The following ITGB5 variants were observed in gnomAD, a reference collection of about 807,000 sequenced individuals.
ITGB5 encodes integrin subunit beta 5, also known as integrin beta-5.
ITGB5 carries 38 observed loss-of-function variants against 84.8 expected under a neutral mutation model. The ratio of observed to expected loss-of-function variants is 0.45; its 90% CI spans 0.35 to 0.59. The LOEUF is 0.59. Among genes scored for constraint, ITGB5 ranks in the 20% least tolerant of loss-of-function variants. The pLI is 0.01. For synonymous variants in ITGB5, 393 were observed against 414.4 expected, an observed-to-expected ratio of 0.95 and a Z score of 0.63; for missense variants, 905 against 1,034.5, an observed-to-expected ratio of 0.87 and a Z score of 1.72.
chr3:124,764,382 C>T lies in ITGB5; in HGVS notation c.2304+9G>A, dbSNP rs779437336. 3.8e-6 allele frequency: 6 copies of T among 1,594,762 alleles called. No individual in the cohort carries two copies. Among genetic ancestry groups the T allele is most frequent in the Admixed American group, 1.7e-5 (1 of 59,666 alleles). On this transcript the variant is annotated intron_variant, in intron 14 of 14. Transcript: ENST00000296181. ...AGTCTCCTCTGCTTCCCATTTCCCA[C>T]GTGCTTACCATTTCATAGCGGGCCC...
intron 8 of ITGB5, among the ~76,000 whole-genome samples, chr3:124,813,799 C>T (rs984207217): frequency 1.3e-5 from 2 of 152,152 alleles, no homozygotes; most frequent in African/African-American, 4.8e-5. Flanking sequence ...ATGGGCATGA[C>T]TGGTCACATC....
Position 124,830,055 on chromosome 3 carries a change from C to T in ITGB5, c.781-8581G>A, listed in dbSNP as rs148178595. On this transcript the variant is annotated intron_variant, in intron 5 of 14. Transcript: ENST00000296181. ...TCGCTGGCTTGTTCACTTCCAACAT[C>T]TGGCCCCAGAGAACAGGGACTGGCA... Among the ~76,000 whole-genome samples the T allele has an allele frequency of 3.9e-5, 6 of 152,356 alleles. No individual in the cohort carries two copies. In the East Asian group the frequency reaches 1.2e-3, roughly 29 times the overall value.
intron 10 of ITGB5, among the ~76,000 whole-genome samples, chr3:124,794,537 T>C (rs1006424634): frequency 2.6e-5 from 4 of 152,080 alleles, no homozygotes; most frequent in Admixed American, 6.5e-5. Context: ...TCCCAGCACA[T>C]TGGGAGGCTG....
intron 1 of ITGB5, among the ~76,000 whole-genome samples, chr3:124,883,672 C>T (rs2107653132): frequency 6.6e-6 from 1 of 152,346 alleles, no homozygotes; most frequent in East Asian, 1.9e-4. Flanking sequence ...GCAGAGCATT[C>T]ACTAGAAGAA....
intron 10 of ITGB5, among the ~76,000 whole-genome samples, chr3:124,779,201 C>T (rs2063967460): frequency 6.6e-6 from 1 of 151,538 alleles, no homozygotes; most frequent in African/African-American, 2.4e-5. Context: ...GGCAAGGCAC[C>T]CAGAACAGCA....
chr3:124,898,725 T>C (rs566852985), intron 1 of ITGB5, among the ~76,000 whole-genome samples: 1 of 120,120 alleles, frequency 8.3e-6, no homozygotes, highest in African/African-American at 3.2e-5. Flanking sequence ...AAGCCAGGAG[T>C]TTGAGACCAG....
chr3:124,804,094 T>C (rs1343440579), intron 9 of ITGB5, among the ~76,000 whole-genome samples: 1 of 152,240 alleles, frequency 6.6e-6, no homozygotes, highest in Non-Finnish European at 1.5e-5. Flanking sequence ...TTGGGCAGCA[T>C]AAAGTGGCTT....
At chr3:124,775,806 C>G (rs923408572) in intron 10 of ITGB5, among the ~76,000 whole-genome samples, 1 of 152,212 alleles carries the variant, frequency 6.6e-6, no homozygotes, top group African/African-American at 2.4e-5. Flanking sequence ...CAGAACTCAA[C>G]TCCAGAAAGC....
chr3:124,892,527 TA>T (rs34284622), upstream of ITGB5, among the ~76,000 whole-genome samples: 12,764 of 106,218 alleles, frequency 0.12, 703 homozygotes, highest in African/African-American at 0.15. Flanking sequence ...CCATCTCTAT[TA>T]AAAAAAAAAA....
At chr3:124,879,596 C>G (rs1444180421) in intron 1 of ITGB5, among the ~76,000 whole-genome samples, 3 of 152,240 alleles carry the variant, frequency 2.0e-5, no homozygotes, top group Non-Finnish European at 2.9e-5. Flanking sequence ...GCACAACACT[C>G]AACAATACCA....
At chr3:124,859,064 C>T (rs986948437) in intron 3 of ITGB5, among the ~76,000 whole-genome samples, 178 bp downstream of exon 3, 3 of 152,210 alleles carry the variant, frequency 2.0e-5, no homozygotes, top group African/African-American at 7.2e-5. Flanking sequence ...AGCCTGTCCA[C>T]AGACACATCA....
intron 2 of ITGB5, among the ~76,000 whole-genome samples, chr3:124,866,791 A>T (rs1251631904): frequency 6.6e-6 from 1 of 152,138 alleles, no homozygotes; most frequent in Non-Finnish European, 1.5e-5. Context: ...AGCTGATGAC[A>T]ACCAAGATGT....
At chr3:124,890,394 G>T (rs912170552), upstream of ITGB5, among the ~76,000 whole-genome samples, 22 of 151,468 alleles carry the variant, frequency 1.5e-4, no homozygotes, top group African/African-American at 5.1e-4. Context: ...TTTAGTAGAG[G>T]CGGGGTTTCA....
chr3:124,895,654 G>A (rs1178392054), intron 1 of ITGB5, among the ~76,000 whole-genome samples: 1 of 152,164 alleles, frequency 6.6e-6, no homozygotes, highest in Admixed American at 6.5e-5. Context: ...TTGGGGCTGG[G>A]GTGGGGAATG....
intron 10 of ITGB5, among the ~76,000 whole-genome samples, chr3:124,788,081 G>A (rs748656911): frequency 3.3e-5 from 5 of 151,928 alleles, no homozygotes; most frequent in Admixed American, 6.6e-5. Flanking sequence ...ATAATTTTTT[G>A]TAGAGACGGG....
chr3:124,778,138 C>T (rs369136773), intron 10 of ITGB5, among the ~76,000 whole-genome samples: 2 of 152,156 alleles, frequency 1.3e-5, no homozygotes, highest in African/African-American at 2.4e-5. Flanking sequence ...ATAGTGCCTG[C>T]GGAAAAAATA....
chr3:124,811,506 G>A lies in ITGB5; in HGVS notation c.1129-2350C>T, dbSNP rs185133750. ...TAACTTGAAATATGGGGGCCCTGTC[G>A]TTCACAAATAAAACTTTGGAAGGAA... On this transcript the variant is annotated intron_variant, in intron 8 of 14. Coordinates refer to ENST00000296181, the MANE Select transcript of ITGB5 (RefSeq NM_002213.5). Among the ~76,000 whole-genome samples the A allele has an allele frequency of 6.5e-3, 993 of 152,226 alleles. 17 individuals carry two copies. Among genetic ancestry groups the A allele is most frequent in the South Asian group, 0.035 (169 of 4,820 alleles).
At chr3:124,809,326 T>A in intron 8 of ITGB5, 170 bp from the exon 9 acceptor site, 1 of 632,906 alleles carries the variant, frequency 1.6e-6, no homozygotes, top group Non-Finnish European at 2.7e-6. Context: ...TTCCCTTCTC[T>A]CTGCACTCAC....
chr3:124,795,191 A>T (rs895954043), intron 10 of ITGB5, among the ~76,000 whole-genome samples: 1 of 152,142 alleles, frequency 6.6e-6, no homozygotes. Context: ...GTTTCTCTTC[A>T]GTATAAAGAG....
Sources: gnomAD v4.1 joint callset for allele counts (sites outside exome capture counted in the v4.1 genomes callset) on GRCh38, gnomAD v4.1.1 for gene constraint, MANE v1.5 for transcripts, NCBI Gene and HGNC (gene_info 2026-07-23, HGNC 2026-07-21) for gene names.